GPER1: variants seen among roughly 807,000 people sequenced by gnomAD.
GPER1 encodes G protein-coupled estrogen receptor 1, also known as G protein-coupled receptor 30.
A neutral mutation model predicts 0.6 loss-of-function variants in GPER1; 2 were observed. The observed-to-expected ratio is 3.41, with a 90% confidence interval of 1.39 to 10.72. The LOEUF (loss-of-function observed/expected upper bound fraction) is 10.72. Among genes scored for constraint, GPER1 ranks in the 30% most tolerant of loss-of-function variants. The pLI is 0.04. For missense variants in GPER1, 441 were observed against 535.2 expected, an observed-to-expected ratio of 0.82 and a Z score of 1.74; for synonymous variants, 263 against 247.6, an observed-to-expected ratio of 1.06 and a Z score of -0.58.
chr7:1,087,388 G>T (rs144176932), upstream of GPER1: 38 of 152,354 alleles, frequency 2.5e-4, no homozygotes, highest in African/African-American at 8.9e-4. Context: ...GCAGATTTTG[G>T]AATATCTGCA....
Position 1,093,474 on chromosome 7 carries a change from C to T in GPER1, c.*618C>T, listed in dbSNP as rs1320452483. 4 of 469,440 alleles carry T rather than the reference C, an allele frequency of 8.5e-6. No homozygotes were observed. The highest frequency in any genetic ancestry group is 2.4e-5 in the Admixed American group (1 of 42,512). 29.1% of individuals were successfully genotyped at this position (469,440 alleles called of 1,614,324 possible). A position where few individuals can be genotyped will look rare whatever the true frequency, so the allele number is the denominator to read the frequency against. The stretch of plus-strand genomic sequence containing the variant: ...GCAGCAATGGCGCTGTGCGGCCTCA[C>T]CAGGCCCACGAGGAGCAGCAGCGCT... On this transcript the variant is annotated 3_prime_UTR_variant, in exon 2 of 2. Coordinates refer to ENST00000397088, the MANE Select transcript of GPER1 (RefSeq NM_001098201.3).
At chr7:1,088,029 G>C (rs538901788), upstream of GPER1, 9 of 152,506 alleles carry the variant, frequency 5.9e-5, no homozygotes, top group African/African-American at 2.2e-4. This position sits in a 1 kb window ranked among gnomAD's most constrained non-coding sequence, Gnocchi z 4.5. Context: ...CTTCTGAGGA[G>C]GCCGCCCAGA....
At chr7:1,089,364 G>A (rs1375414605) in intron 1 of GPER1, among the ~76,000 whole-genome samples, 1 of 152,134 alleles carries the variant, frequency 6.6e-6, no homozygotes, top group Non-Finnish European at 1.5e-5. Flanking sequence ...TTCCCCACCC[G>A]CCTGTTTTTG....
chr7:1,092,501 T>G lies in GPER1; in HGVS notation c.773T>G (p.Leu258Arg), dbSNP rs1433107299. 3.7e-6 allele frequency: 6 copies of G among 1,607,692 alleles called. No individual in the cohort carries two copies. Among genetic ancestry groups the G allele is most frequent in the Non-Finnish European group, 5.1e-6 (6 of 1,179,826 alleles). Residue 258 changes from leucine (L) to arginine (R), a missense_variant, in exon 2 of 2, where the codon CTC becomes CGC. Coordinates refer to ENST00000397088, the MANE Select transcript of GPER1 (RefSeq NM_001098201.3). Reference protein sequence around the residue: ...RGLRPRRQKALRMILAVVLVF... With the variant: ...RGLRPRRQKARRMILAVVLVF... ...CTGCGGCCCCGGCGGCAGAAGGCGCTCCGCATGATCCTCGCGGTGGTGCTG... is the reference window on the plus strand; with the variant it reads ...CTGCGGCCCCGGCGGCAGAAGGCGCGCCGCATGATCCTCGCGGTGGTGCTG...
chr7:1,090,851 A>G (rs1040560238), intron 1 of GPER1, among the ~76,000 whole-genome samples: 2 of 152,258 alleles, frequency 1.3e-5, no homozygotes, highest in Admixed American at 6.5e-5. Context: ...CTTTCACTCT[A>G]TATTACGAAA....
rs1235294297 is a variant in GPER1, at chr7:1,093,742, A to G, written c.*886A>G. ...GCGGTGATGATGTAAAAACCTTCCC[A>G]TAAAATGTAAGAAAAGCTGATGAGG... On this transcript the variant is annotated 3_prime_UTR_variant, in exon 2 of 2. Coordinates refer to ENST00000397088, the MANE Select transcript of GPER1 (RefSeq NM_001098201.3). 6.6e-6 allele frequency: 3 copies of G among 456,504 alleles called. No homozygotes were observed. The highest frequency in any genetic ancestry group is 6.0e-5 in the African/African-American group (3 of 49,690). The allele number at this position is 456,504 out of a possible 1,614,324, so 28.3% of individuals were successfully genotyped here.
At position 1,092,019 on chromosome 7, in the gene GPER1, C is replaced by T; in HGVS notation, c.291C>T (p.Tyr97=). The T allele has an allele frequency of 3.7e-6, 6 of 1,614,132 alleles. No individual in the cohort carries two copies. The highest frequency in any genetic ancestry group is 5.1e-6 in the Non-Finnish European group (6 of 1,180,022). Reference sequence around the variant, plus strand: ...AGAAGATGACCATCCCCGACCTGTACTTCATCAACCTGGCGGTGGCGGACC... The same window carrying T: ...AGAAGATGACCATCCCCGACCTGTATTTCATCAACCTGGCGGTGGCGGACC... ...FREKMTIPDL[Y]FINLAVADLI... Residue 97 remains tyrosine, a synonymous_variant, in exon 2 of 2, where the codon TAC becomes TAT. Transcript: ENST00000397088.
intron 1 of GPER1, among the ~76,000 whole-genome samples, chr7:1,090,049 A>T (rs1787800147): frequency 6.6e-6 from 1 of 151,226 alleles, no homozygotes; most frequent in South Asian, 2.1e-4. Flanking sequence ...GTGCCACTGC[A>T]CTCCAACCTG....
intron 1 of GPER1, among the ~76,000 whole-genome samples, chr7:1,089,424 T>C (rs935172723): frequency 1.4e-5 from 1 of 72,440 alleles, no homozygotes; most frequent in Non-Finnish European, 2.9e-5. Context: ...TGGTGTGATC[T>C]CGGCTGAGGC....
chr7:1,090,659 G>A (rs370907747), intron 1 of GPER1, among the ~76,000 whole-genome samples: 35 of 152,348 alleles, frequency 2.3e-4, no homozygotes, highest in African/African-American at 7.5e-4. Context: ...GGCAGAGCCC[G>A]GGCACCGCCG....
Position 1,093,003 on chromosome 7 carries a change from C to T in GPER1, c.*147C>T. 1.3e-6 allele frequency: 1 copy of T among 770,024 alleles called. No individual in the cohort carries two copies. The highest frequency in any genetic ancestry group is 2.7e-5 in the East Asian group (1 of 37,482). 47.7% of individuals were successfully genotyped at this position (770,024 alleles called of 1,614,324 possible). A position where few individuals can be genotyped will look rare whatever the true frequency, so the allele number is the denominator to read the frequency against. Reference sequence around the variant, plus strand: ...GGGGCCTCGCGAGGGTCACGCTTGCCTGGTCACCCTGGGGCTGCTTAGGAA... The same window carrying T: ...GGGGCCTCGCGAGGGTCACGCTTGCTTGGTCACCCTGGGGCTGCTTAGGAA... On this transcript the variant is annotated 3_prime_UTR_variant, in exon 2 of 2. Transcript: ENST00000397088.
chr7:1,093,728 G>A lies in GPER1; in HGVS notation c.*872G>A. On this transcript the variant is annotated 3_prime_UTR_variant, in exon 2 of 2. Coordinates refer to ENST00000397088, the MANE Select transcript of GPER1 (RefSeq NM_001098201.3). ...AGCTGGGGACAACTGCGGTGATGAT[G>A]TAAAAACCTTCCCATAAAATGTAAG... 2 of 460,396 alleles carry A rather than the reference G, an allele frequency of 4.3e-6. No homozygotes were observed. The highest frequency in any genetic ancestry group is 3.1e-5 in the South Asian group (2 of 64,284). 28.5% of individuals were successfully genotyped at this position (460,396 alleles called of 1,614,324 possible). A position where few individuals can be genotyped will look rare whatever the true frequency, so the allele number is the denominator to read the frequency against.
In GPER1 at chr7:1,091,900, G is replaced by A. The variant is rs1305663951; in HGVS notation, c.172G>A (p.Gly58Ser). The change falls in exon 2 of 2, where the codon GGC (glycine) becomes AGC (serine). Residue 58 changes from glycine to serine, a missense_variant. Transcript: ENST00000397088. ...CTCGGAGCACCAGCAGTACGTGATCGGCCTGTTCCTCTCGTGCCTCTACAC... is the reference window on the plus strand; with the variant it reads ...CTCGGAGCACCAGCAGTACGTGATCAGCCTGTTCCTCTCGTGCCTCTACAC... ...ELSEHQQYVI[G>S]LFLSCLYTIF... 18 of 1,614,008 alleles carry A rather than the reference G, an allele frequency of 1.1e-5. No homozygotes were observed. Among genetic ancestry groups the A allele is most frequent in the Middle Eastern group, 1.6e-4 (1 of 6,062 alleles).
chr7:1,093,775 C>A lies in GPER1; in HGVS notation c.*919C>A. ...TAAGAAAAGCTGATGAGGCTGGTGACGTTCAGCCTTTGTCAATAAACCTGT... is the reference window on the plus strand; with the variant it reads ...TAAGAAAAGCTGATGAGGCTGGTGAAGTTCAGCCTTTGTCAATAAACCTGT... On this transcript the variant is annotated 3_prime_UTR_variant, in exon 2 of 2. Transcript: ENST00000397088. 1 of 433,820 alleles carries A rather than the reference C, an allele frequency of 2.3e-6. No homozygotes were observed. The highest frequency in any genetic ancestry group is 4.9e-6 in the Non-Finnish European group (1 of 205,590). 26.9% of individuals were successfully genotyped at this position (433,820 alleles called of 1,614,324 possible).
intron 1 of GPER1, among the ~76,000 whole-genome samples, chr7:1,089,368 G>C (rs542484000): frequency 6.6e-6 from 1 of 152,298 alleles, no homozygotes; most frequent in Admixed American, 6.5e-5. Context: ...CCACCCGCCT[G>C]TTTTTGAGAT....
chr7:1,092,570 T>C lies in GPER1; in HGVS notation c.842T>C (p.Val281Ala), dbSNP rs749881809. Residue 281 changes from valine (V) to alanine (A), a missense_variant, in exon 2 of 2, where the codon GTG becomes GCG. Transcript: ENST00000397088. ...CWLPENVFIS[V>A]HLLQRTQPGA... Reference sequence around the variant, plus strand: ...CTGCCGGAGAACGTCTTCATCAGCGTGCACCTCCTGCAGCGGACGCAGCCT... The same window carrying C: ...CTGCCGGAGAACGTCTTCATCAGCGCGCACCTCCTGCAGCGGACGCAGCCT... 1 of 1,610,764 alleles carries C rather than the reference T, an allele frequency of 6.2e-7. No homozygotes were observed. Among genetic ancestry groups the C allele is most frequent in the Non-Finnish European group, 8.5e-7 (1 of 1,180,004 alleles).
chr7:1,092,528 T>C lies in GPER1; in HGVS notation c.800T>C (p.Val267Ala), dbSNP rs774706015. Residue 267 changes from valine (V) to alanine (A), a missense_variant, in exon 2 of 2, where the codon GTC becomes GCC. Physicochemically the swap from Val to Ala is moderately conservative, Grantham distance 64. Coordinates refer to ENST00000397088, the MANE Select transcript of GPER1 (RefSeq NM_001098201.3). ...ALRMILAVVL[V>A]FFVCWLPENV... The stretch of plus-strand genomic sequence containing the variant: ...CGCATGATCCTCGCGGTGGTGCTGG[T>C]CTTCTTCGTCTGCTGGCTGCCGGAG... 1.2e-6 allele frequency: 2 copies of C among 1,608,394 alleles called. No individual in the cohort carries two copies. The highest frequency in any genetic ancestry group is 1.7e-6 in the Non-Finnish European group (2 of 1,179,906).
chr7:1,091,147 G>A (rs904257185), intron 1 of GPER1, among the ~76,000 whole-genome samples: 1 of 152,216 alleles, frequency 6.6e-6, no homozygotes, highest in Non-Finnish European at 1.5e-5. Flanking sequence ...CCTGCCTGTG[G>A]GAGTGACTCA....
In GPER1 at chr7:1,093,092, C is replaced by T. The variant is rs55965425; in HGVS notation, c.*236C>T. 8,403 of 676,300 alleles carry T rather than the reference C, an allele frequency of 0.012. 458 individuals carry two copies. The African/African-American group carries it at 0.12, about 10-fold the overall frequency. The allele number at this position is 676,300 out of a possible 1,614,324, so 41.9% of individuals were successfully genotyped here. ...TGCTACAATCCCAAAGCGCTCGCCC[C>T]GCAGGGTCCAAAGGCCAGCGGTGAC... On this transcript the variant is annotated 3_prime_UTR_variant, in exon 2 of 2. Transcript: ENST00000397088.
Sources: gnomAD v4.1 joint callset for allele counts (sites outside exome capture counted in the v4.1 genomes callset) on GRCh38, gnomAD v4.1.1 for gene constraint, Gnocchi (gnomAD v3.1) non-coding constraint, MANE v1.5 for transcripts, NCBI Gene and HGNC (gene_info 2026-07-23, HGNC 2026-07-21) for gene names.